The following CNTN5 variants were observed in gnomAD, a reference collection of about 807,000 sequenced individuals.
CNTN5 encodes contactin 5, also known as contactin-5.
Under a neutral mutation model 129.1 loss-of-function variants are expected in CNTN5, and 77 were observed. The observed-to-expected ratio is 0.60, with a 90% confidence interval of 0.50 to 0.72. The LOEUF (loss-of-function observed/expected upper bound fraction) is 0.72. Ranked by LOEUF, CNTN5 falls within the 30% of genes least tolerant of loss-of-function variation. The probability of loss-of-function intolerance (pLI) is 0.00; values close to 1 mark genes in which losing one functional copy is unlikely to be tolerated. For synonymous variants in CNTN5, 509 were observed against 465.6 expected (o/e 1.09, Z -1.20); for missense variants, 1,478 against 1,328.8 (o/e 1.11, Z -1.75).
At chr11:99,724,340 G>A (rs1943268187) in intron 3 of CNTN5, among the ~76,000 whole-genome samples, 1 of 152,080 alleles carries the variant, frequency 6.6e-6, no homozygotes, top group Non-Finnish European at 1.5e-5. Context: ...GGAGAGAGAC[G>A]TTGTATCCAT....
intron 2 of CNTN5, among the ~76,000 whole-genome samples, chr11:99,495,548 AG>A (rs1946193933): frequency 6.6e-6 from 1 of 152,160 alleles, no homozygotes; most frequent in South Asian, 2.1e-4. Context: ...GGCCTTTCAG[AG>A]CATCAACTCC....
At chr11:99,760,841 AC>A in intron 3 of CNTN5, among the ~76,000 whole-genome samples, 1 of 152,096 alleles carries the variant, frequency 6.6e-6, no homozygotes, top group African/African-American at 2.4e-5. Context: ...ACACACACAC[AC>A]AGAGGTTTGT....
At chr11:100,177,810 G>A (rs756623965) in intron 13 of CNTN5, among the ~76,000 whole-genome samples, 3 of 152,082 alleles carry the variant, frequency 2.0e-5, no homozygotes, top group Non-Finnish European at 4.4e-5. Context: ...TGTAAGTCCT[G>A]TGGTGTGAAG....
chr11:99,043,440 A>G (rs1333440182), intron 1 of CNTN5, among the ~76,000 whole-genome samples: 1 of 152,148 alleles, frequency 6.6e-6, no homozygotes, highest in African/African-American at 2.4e-5. Flanking sequence ...ATAATAAAAA[A>G]AAAGAATAAT....
intron 2 of CNTN5, among the ~76,000 whole-genome samples, chr11:99,415,646 A>T (rs1158882457): frequency 1.3e-5 from 2 of 152,062 alleles, no homozygotes; most frequent in Non-Finnish European, 1.5e-5. Context: ...TAGCCTCTGG[A>T]GAAACTGAGG....
intron 1 of CNTN5, among the ~76,000 whole-genome samples, chr11:99,213,172 C>G (rs991771775): frequency 6.7e-6 from 1 of 149,420 alleles, no homozygotes; most frequent in Non-Finnish European, 1.5e-5. Context: ...GCCAGGGCGA[C>G]AGAGTGAGAC....
intron 6 of CNTN5, among the ~76,000 whole-genome samples, chr11:99,888,192 T>C (rs988397768): frequency 2.6e-5 from 4 of 152,194 alleles, no homozygotes; most frequent in Non-Finnish European, 4.4e-5. Flanking sequence ...CATGCACTTA[T>C]CTGTCATATA....
intron 1 of CNTN5, among the ~76,000 whole-genome samples, chr11:99,048,124 C>A (rs1864288014): frequency 6.6e-6 from 1 of 151,698 alleles, no homozygotes; most frequent in African/African-American, 2.4e-5. Context: ...TTTGGAATAA[C>A]TTTTTCTTTT....
chr11:99,375,110 C>CT (rs1449872181), intron 2 of CNTN5, among the ~76,000 whole-genome samples: 2 of 151,938 alleles, frequency 1.3e-5, no homozygotes, highest in African/African-American at 2.4e-5. Flanking sequence ...CTAGACCAGC[C>CT]TGGCCAACAT....
intron 7 of CNTN5, among the ~76,000 whole-genome samples, chr11:99,954,495 G>A (rs1236966725): frequency 1.3e-5 from 2 of 152,164 alleles, no homozygotes; most frequent in African/African-American, 4.8e-5. Flanking sequence ...AGGGCCAGGT[G>A]CAGTTTGTAT....
chr11:99,307,962 T>C (rs1461945082), intron 1 of CNTN5, among the ~76,000 whole-genome samples: 1 of 152,336 alleles, frequency 6.6e-6, no homozygotes, highest in East Asian at 1.9e-4. Flanking sequence ...ATGTGATTCA[T>C]TGGCTTTCTA....
intron 1 of CNTN5, among the ~76,000 whole-genome samples, chr11:99,142,803 T>G (rs1254204829): frequency 2.6e-5 from 4 of 152,160 alleles, no homozygotes; most frequent in Admixed American, 2.6e-4. Flanking sequence ...CAGCTCTCCC[T>G]GACAGCACAA....
At chr11:99,821,631 A>G (rs910143880) in intron 4 of CNTN5, among the ~76,000 whole-genome samples, 12 of 152,130 alleles carry the variant, frequency 7.9e-5, no homozygotes, top group African/African-American at 2.2e-4. Context: ...ATCTGTTTCA[A>G]TAAAGGCAGA....
chr11:99,154,907 T>C (rs893688679), intron 1 of CNTN5, among the ~76,000 whole-genome samples: 7 of 152,158 alleles, frequency 4.6e-5, no homozygotes, highest in African/African-American at 1.7e-4. Flanking sequence ...ATGAAAACCC[T>C]TGGGAGACTG....
chr11:99,500,343 A>G (rs1946381931), intron 2 of CNTN5, among the ~76,000 whole-genome samples: 1 of 152,198 alleles, frequency 6.6e-6, no homozygotes, highest in Non-Finnish European at 1.5e-5. Context: ...TACCTTTAAA[A>G]AAAGTTGTAA....
chr11:100,125,875 G>C (rs1946166573), intron 13 of CNTN5, among the ~76,000 whole-genome samples: 1 of 151,544 alleles, frequency 6.6e-6, no homozygotes, highest in African/African-American at 2.4e-5. Flanking sequence ...TGTTTTTTTA[G>C]TTTTTCTAGG....
At chr11:99,831,321 G>A (rs980362738) in intron 4 of CNTN5, among the ~76,000 whole-genome samples, 1 of 152,172 alleles carries the variant, frequency 6.6e-6, no homozygotes, top group African/African-American at 2.4e-5. Context: ...AAGTTGTTGA[G>A]ATGCTTAACG....
chr11:100,259,732 G>C (rs1950157474), intron 17 of CNTN5, among the ~76,000 whole-genome samples: 1 of 152,008 alleles, frequency 6.6e-6, no homozygotes, highest in Non-Finnish European at 1.5e-5. Context: ...AAATAAATAA[G>C]TTCTTTGAAA....
At chr11:99,275,989 T>C (rs1003792838) in intron 1 of CNTN5, among the ~76,000 whole-genome samples, 3 of 151,668 alleles carry the variant, frequency 2.0e-5, no homozygotes, top group African/African-American at 7.2e-5. Flanking sequence ...ATCTTCTCTA[T>C]ACTCTTCTCT....
Sources: allele counts gnomAD v4.1 joint callset (sites outside exome capture counted in the v4.1 genomes callset), GRCh38; gene constraint gnomAD v4.1.1; transcripts MANE v1.5; gene names NCBI Gene and HGNC (gene_info 2026-07-23, HGNC 2026-07-21).